TRPM6: variants seen among roughly 807,000 people sequenced by gnomAD.
TRPM6 encodes channel kinase 2.
Under a neutral mutation model 247.6 loss-of-function variants are expected in TRPM6, and 111 were observed. That is an observed-to-expected ratio of 0.45 (90% CI 0.38 to 0.52). The LOEUF (loss-of-function observed/expected upper bound fraction) is 0.52. Ranked by LOEUF, TRPM6 falls within the 20% of genes least tolerant of loss-of-function variation. The probability of loss-of-function intolerance (pLI) is 0.00; values close to 1 mark genes in which losing one functional copy is unlikely to be tolerated. For synonymous variants in TRPM6, 892 were observed against 853.8 expected (o/e 1.04, Z -0.78); for missense variants, 2,126 against 2,421.5 (o/e 0.88, Z 2.56).
Position 74,739,746 on chromosome 9 carries a change from T to G in TRPM6, c.5464A>C (p.Thr1822Pro). ...ACCCTGAGGCAAAGATGAAGCACAGTGCTCTCCTGGAAGATTTTATGCCAT... is the reference window on the plus strand; with the variant it reads ...ACCCTGAGGCAAAGATGAAGCACAGGGCTCTCCTGGAAGATTTTATGCCAT... The part of the protein sequence containing the change: ...RTWHKIFQES[T>P]VLHLCLREIQ... Residue 1822 changes from threonine to proline, a missense_variant, in exon 34 of 39, where the codon ACT (threonine) becomes CCT (proline). Physicochemically the swap from Thr to Pro is conservative, Grantham distance 38. Transcript: ENST00000360774. 1 of 1,613,492 alleles carries G rather than the reference T, an allele frequency of 6.2e-7. No homozygotes were observed. Among genetic ancestry groups the G allele is most frequent in the Non-Finnish European group, 8.5e-7 (1 of 1,180,014 alleles).
At chr9:74,851,760 A>T (rs1210812109) in intron 3 of TRPM6, among the ~76,000 whole-genome samples, 1 of 106,896 alleles carries the variant, frequency 9.4e-6, no homozygotes, top group African/African-American at 2.9e-5. Flanking sequence ...AAAAAAAAAA[A>T]AAAATATATA....
At chr9:74,745,164 C>T (rs962449999) in intron 31 of TRPM6, among the ~76,000 whole-genome samples, 5 of 152,168 alleles carry the variant, frequency 3.3e-5, no homozygotes, top group Admixed American at 6.5e-5. Flanking sequence ...GTTTATGGAA[C>T]ACATTAATTC....
intron 14 of TRPM6, among the ~76,000 whole-genome samples, chr9:74,807,506 C>T (rs938481062): frequency 3.3e-5 from 5 of 152,164 alleles, no homozygotes; most frequent in Admixed American, 6.5e-5. Flanking sequence ...TCTAATTTTA[C>T]ATTCCTAGAT....
At chr9:74,852,640 C>T (rs1830371104) in intron 3 of TRPM6, among the ~76,000 whole-genome samples, 1 of 151,080 alleles carries the variant, frequency 6.6e-6, no homozygotes, top group Non-Finnish European at 1.5e-5. Flanking sequence ...TGCAGGCGCG[C>T]GCCGCCACGC....
Position 74,867,092 on chromosome 9 carries a change from T to C in TRPM6, c.34-8344A>G, listed in dbSNP as rs76152406. Among the ~76,000 whole-genome samples the C allele has an allele frequency of 4.1e-3, 625 of 152,330 alleles. 6 individuals carry two copies. The highest frequency in any genetic ancestry group is 0.014 in the African/African-American group (601 of 41,570). On this transcript the variant is annotated intron_variant, in intron 1 of 38. Transcript: ENST00000360774. ...TAAATTCTCATGTTTGCTTCTGCAC[T>C]CAATCCTTTGCAATAAGTGGTTTTG... is the stretch of plus-strand genomic sequence containing the variant.
chr9:74,813,108 T>C (rs1182483934), intron 11 of TRPM6, among the ~76,000 whole-genome samples: 1 of 152,244 alleles, frequency 6.6e-6, no homozygotes, highest in Non-Finnish European at 1.5e-5. Flanking sequence ...TTACTTGTCA[T>C]GTGTCCATTT....
intron 27 of TRPM6, among the ~76,000 whole-genome samples, 158 bp downstream of exon 27, chr9:74,761,538 C>T (rs960722679): frequency 6.6e-6 from 1 of 152,184 alleles, no homozygotes; most frequent in African/African-American, 2.4e-5. Flanking sequence ...AGCAAGACCC[C>T]ACCCATCTCT....
intron 1 of TRPM6, among the ~76,000 whole-genome samples, chr9:74,878,138 G>A (rs1192027285): frequency 6.6e-6 from 1 of 152,158 alleles, no homozygotes; most frequent in African/African-American, 2.4e-5. Context: ...GACCCACCTA[G>A]TCCATCACAG....
intron 7 of TRPM6, 106 bp from the exon 8 acceptor site, chr9:74,821,943 T>G: frequency 8.1e-7 from 1 of 1,231,172 alleles, no homozygotes; most frequent in Non-Finnish European, 1.2e-6. Flanking sequence ...CCTATGTTCA[T>G]TCCTCACACT....
chr9:74,763,208 T>A (rs1826712846), intron 25 of TRPM6, 74 bp from the exon 26 acceptor site: 1 of 1,458,024 alleles, frequency 6.9e-7, no homozygotes, highest in African/African-American at 1.4e-5. Context: ...CTACCCTACT[T>A]CCATCCTTAA....
At chr9:74,867,728 A>G (rs531259843) in intron 1 of TRPM6, among the ~76,000 whole-genome samples, 8 of 152,312 alleles carry the variant, frequency 5.3e-5, no homozygotes, top group Non-Finnish European at 2.9e-5. Flanking sequence ...AGCCCTTTAC[A>G]ATCCATAGGC....
intron 16 of TRPM6, among the ~76,000 whole-genome samples, chr9:74,801,243 ATTTTTTTTTTTTTT>A (rs59490187): frequency 3.5e-5 from 3 of 85,252 alleles, no homozygotes; most frequent in African/African-American, 1.3e-4. Context: ...AAGCCTGGGA[ATTTTTTTTTTTTTT>A]TTTTTTTTTT....
intron 3 of TRPM6, among the ~76,000 whole-genome samples, chr9:74,853,560 C>A (rs1160088521): frequency 6.6e-6 from 1 of 152,116 alleles, no homozygotes; most frequent in African/African-American, 2.4e-5. Flanking sequence ...AACCTTACCC[C>A]CAACCCTGTG....
At chr9:74,750,984 T>C (rs140744618) in intron 29 of TRPM6, among the ~76,000 whole-genome samples, 187 of 152,268 alleles carry the variant, frequency 1.2e-3, no homozygotes, top group African/African-American at 3.5e-3. Flanking sequence ...ATGTAATATA[T>C]GAAATTTTTT....
At chr9:74,740,290 G>A (rs1825821787) in intron 33 of TRPM6, among the ~76,000 whole-genome samples, 1 of 152,174 alleles carries the variant, frequency 6.6e-6, no homozygotes, top group Admixed American at 6.6e-5. Context: ...CAAAAACAAA[G>A]TGGTAAGGAT....
At chr9:74,820,472 T>C in intron 8 of TRPM6, 45 bp from the exon 9 acceptor site, 1 of 1,612,828 alleles carries the variant, frequency 6.2e-7, no homozygotes, top group East Asian at 2.2e-5. Flanking sequence ...GAGAGGGGAA[T>C]GAGCCGGCAA....
intron 2 of TRPM6, among the ~76,000 whole-genome samples, chr9:74,856,477 G>A (rs1239772514): frequency 1.3e-5 from 2 of 151,080 alleles, no homozygotes; most frequent in East Asian, 4.1e-4. Context: ...CTGTGTGTGT[G>A]TGTGTGTGTG....
At chr9:74,865,388 A>G (rs1830816079) in intron 1 of TRPM6, among the ~76,000 whole-genome samples, 1 of 152,244 alleles carries the variant, frequency 6.6e-6, no homozygotes. Flanking sequence ...GGGGAATAAA[A>G]CATGCAAATG....
chr9:74,736,057 G>A (rs1463859252), intron 36 of TRPM6, among the ~76,000 whole-genome samples: 1 of 152,192 alleles, frequency 6.6e-6, no homozygotes, highest in Non-Finnish European at 1.5e-5. Flanking sequence ...CCCTGCAACT[G>A]CAGATTAACC....
Sources: allele counts gnomAD v4.1 joint callset (sites outside exome capture counted in the v4.1 genomes callset), GRCh38; gene constraint gnomAD v4.1.1; transcripts MANE v1.5; gene names NCBI Gene and HGNC (gene_info 2026-07-23, HGNC 2026-07-21).